The following ARID1B variants were observed in gnomAD, a reference collection of about 807,000 sequenced individuals.
ARID1B encodes the protein AT-rich interactive domain-containing protein 1B.
Under a neutral mutation model 212.3 loss-of-function variants are expected in ARID1B, and 30 were observed. The ratio of observed to expected loss-of-function variants is 0.14; its 90% CI spans 0.11 to 0.19. The LOEUF (loss-of-function observed/expected upper bound fraction) is 0.19. Among genes scored for constraint, ARID1B ranks in the 10% least tolerant of loss-of-function variants. ARID1B has a pLI of 1.00. For missense variants in ARID1B, 2,891 were observed against 3,204.0 expected (o/e 0.90, Z 2.36); for synonymous variants, 1,402 against 1,301.7 (o/e 1.08, Z -1.66).
intron 6 of ARID1B, 88 bp downstream of exon 6, chr6:157,110,649 C>A: frequency 8.1e-7 from 1 of 1,228,994 alleles, no homozygotes; most frequent in East Asian, 2.3e-5. Flanking sequence ...ACCTCCTTAT[C>A]ATTAATTTTT....
In ARID1B at chr6:157,200,024, C is replaced by T. The variant is rs1793989710; in HGVS notation, c.4480-681C>T. Among the ~76,000 whole-genome samples, 1 of 152,298 alleles carries T rather than the reference C, an allele frequency of 6.6e-6. No homozygotes were observed. Among genetic ancestry groups the T allele is most frequent in the East Asian group, 1.9e-4 (1 of 5,188 alleles). ...AACAGTTTTCAAGTAAAGTGGAAAA[C>T]ATCAGCATCTCACTGCCTCCCATCA... is the stretch of plus-strand genomic sequence containing the variant. On this transcript the variant is annotated intron_variant, in intron 17 of 19. Transcript: ENST00000636930. The surrounding 1 kb of genome is among the most constrained non-coding windows in gnomAD (Gnocchi z 4.3).
intron 3 of ARID1B, among the ~76,000 whole-genome samples, chr6:156,931,062 T>C (rs777938197): frequency 2.0e-5 from 3 of 151,952 alleles, no homozygotes; most frequent in African/African-American, 4.8e-5. Flanking sequence ...TGGTGGCACA[T>C]GCCTGTAGTC....
At chr6:157,192,170 T>TAGTGGTATGAGA (rs1181793422) in intron 15 of ARID1B, among the ~76,000 whole-genome samples, 1 of 152,200 alleles carries the variant, frequency 6.6e-6, no homozygotes, top group African/African-American at 2.4e-5. Context: ...GGTAGCTGTT[T>TAGTGGTATGAGA]TTCTTAGTGG....
chr6:157,039,322 C>CTTTTCTTTTTTTTTT (rs1781548213), intron 4 of ARID1B, among the ~76,000 whole-genome samples: 1 of 102,976 alleles, frequency 9.7e-6, no homozygotes, highest in African/African-American at 4.1e-5. Context: ...TTTGACATTT[C>CTTTTCTTTTTTTTTT]TTTTTTTTTT....
chr6:156,887,813 A>C (rs1378543472), intron 2 of ARID1B, among the ~76,000 whole-genome samples: 2 of 152,184 alleles, frequency 1.3e-5, no homozygotes, highest in African/African-American at 4.8e-5. Flanking sequence ...CCTACACACG[A>C]ATGAGTAATT....
intron 4 of ARID1B, among the ~76,000 whole-genome samples, chr6:156,944,707 C>A (rs1792932693): frequency 6.6e-6 from 1 of 152,148 alleles, no homozygotes; most frequent in Non-Finnish European, 1.5e-5. Context: ...TCTGAGGCCT[C>A]CCTTCACCTC....
intron 7 of ARID1B, among the ~76,000 whole-genome samples, chr6:157,136,862 TAA>T (rs973940569): frequency 2.0e-5 from 3 of 148,908 alleles, no homozygotes; most frequent in Non-Finnish European, 1.5e-5. Flanking sequence ...ACCCTGTCTT[TAA>T]AAAAACAACA....
At chr6:156,855,534 A>AT (rs1389952043) in intron 2 of ARID1B, among the ~76,000 whole-genome samples, 1 of 152,218 alleles carries the variant, frequency 6.6e-6, no homozygotes, top group Non-Finnish European at 1.5e-5. Context: ...AATATCACAT[A>AT]TTTCAGTCAG....
Position 156,778,887 on chromosome 6 carries a change from AGCG to A in ARID1B, c.1209_1211del (p.Ser403_Gly404delinsArg), listed in dbSNP as rs1562377469. The A allele has an allele frequency of 1.5e-6, 2 of 1,364,796 alleles. No homozygotes were observed. Among genetic ancestry groups the A allele is most frequent in the South Asian group, 1.7e-5 (1 of 58,196 alleles). The allele number at this position is 1,364,796 out of a possible 1,614,324, so 84.5% of individuals were successfully genotyped here. A position where few individuals can be genotyped will look rare whatever the true frequency, so the allele number is the denominator to read the frequency against. On this transcript the variant is annotated inframe_deletion, in exon 1 of 20. Coordinates refer to ENST00000636930, the MANE Select transcript of ARID1B (RefSeq NM_001374828.1). The stretch of plus-strand genomic sequence containing the variant: ...CGGCGGCGGCGGAGGAGGAGGAGGC[AGCG>A]GAGGAGGAGGAGGAGGAGGAGGAGC...
chr6:157,150,000 A>G (rs959681049), intron 8 of ARID1B: 6 of 152,204 alleles, frequency 3.9e-5, no homozygotes, highest in African/African-American at 1.4e-4. Context: ...CATTACAATT[A>G]CTTAAAATCT....
At chr6:157,025,416 G>A (rs1780597028) in intron 4 of ARID1B, among the ~76,000 whole-genome samples, 1 of 152,206 alleles carries the variant, frequency 6.6e-6, no homozygotes, top group African/African-American at 2.4e-5. Context: ...TAGTAGGACG[G>A]TAGAACATTC....
intron 6 of ARID1B, among the ~76,000 whole-genome samples, chr6:157,123,335 A>G (rs1787907482): frequency 6.8e-6 from 1 of 147,192 alleles, no homozygotes; most frequent in South Asian, 2.1e-4. Context: ...AATCAGTACT[A>G]TAGCTGTTGG....
chr6:156,968,177 G>A (rs1794904416), intron 4 of ARID1B, among the ~76,000 whole-genome samples: 1 of 152,136 alleles, frequency 6.6e-6, no homozygotes. Context: ...AATGATTATT[G>A]TAAACTGTTG....
intron 4 of ARID1B, among the ~76,000 whole-genome samples, chr6:156,966,501 C>G (rs1028023434): frequency 6.9e-6 from 1 of 145,762 alleles, no homozygotes; most frequent in Non-Finnish European, 1.5e-5. Flanking sequence ...TCAAGTGATT[C>G]TCCTGCTTCA....
At chr6:157,099,017 G>T (rs533984339) in intron 5 of ARID1B, among the ~76,000 whole-genome samples, 1 of 152,182 alleles carries the variant, frequency 6.6e-6, no homozygotes, top group Admixed American at 6.5e-5. Context: ...AGGCTGGGGC[G>T]CAGTGGCATG....
rs530457580 is a variant in ARID1B at position 156,989,959 on chromosome 6, A to G, written c.2247+54383A>G. On this transcript the variant is annotated intron_variant, in intron 4 of 19. Coordinates refer to ENST00000636930, the MANE Select transcript of ARID1B (RefSeq NM_001374828.1). ...TGATACCTTTGATATAATTCTTGCC[A>G]ATTAATTTGATTTTCAACCTTTACA... 5.9e-5 allele frequency among the ~76,000 whole-genome samples: 9 copies of G among 152,294 alleles called. No homozygotes were observed. The East Asian group carries it at 1.7e-3, about 29-fold the overall frequency.
intron 6 of ARID1B, among the ~76,000 whole-genome samples, chr6:157,128,300 A>G (rs1407535383): frequency 6.6e-6 from 1 of 152,164 alleles, no homozygotes. Flanking sequence ...ATTATGTGTC[A>G]TGTACCTACC....
At chr6:156,927,478 C>G (rs1321058988) in intron 3 of ARID1B, among the ~76,000 whole-genome samples, 3 of 152,272 alleles carry the variant, frequency 2.0e-5, no homozygotes, top group Non-Finnish European at 2.9e-5. Flanking sequence ...TATTCCTGAT[C>G]TGTTTTTTGG....
intron 4 of ARID1B, among the ~76,000 whole-genome samples, chr6:157,068,132 G>A (rs367710161): frequency 2.7e-4 from 41 of 152,284 alleles, no homozygotes; most frequent in East Asian, 1.7e-3. Context: ...TCTTTCACTC[G>A]TGTGAATTCC....
Sources: gnomAD v4.1 joint callset for allele counts (sites outside exome capture counted in the v4.1 genomes callset) on GRCh38, gnomAD v4.1.1 for gene constraint, Gnocchi (gnomAD v3.1) non-coding constraint, MANE v1.5 for transcripts, NCBI Gene and HGNC (gene_info 2026-07-23, HGNC 2026-07-21) for gene names.